RIPOR2: variants seen among roughly 807,000 people sequenced by gnomAD.
RIPOR2 encodes rho family-interacting cell polarization regulator 2.
RIPOR2 carries 39 observed loss-of-function variants against 114.5 expected under a neutral mutation model. The observed-to-expected ratio is 0.34, with a 90% CI of 0.26 to 0.44. The LOEUF is 0.44. Ranked by LOEUF, RIPOR2 falls within the 20% of genes least tolerant of loss-of-function variation. The probability of loss-of-function intolerance (pLI) is 1.00; values close to 1 mark genes in which losing one functional copy is unlikely to be tolerated. For synonymous variants in RIPOR2, 445 were observed against 484.4 expected, an observed-to-expected ratio of 0.92 and a Z score of 1.07; for missense variants, 1,007 against 1,255.1, an observed-to-expected ratio of 0.80 and a Z score of 2.99.
At chr6:24,860,442 G>A (rs898322670) in intron 8 of RIPOR2, among the ~76,000 whole-genome samples, 7 of 152,254 alleles carry the variant, frequency 4.6e-5, no homozygotes, top group South Asian at 2.1e-4. Context: ...AAATGTACAA[G>A]GCATTTTTGA....
intron 1 of RIPOR2, among the ~76,000 whole-genome samples, chr6:24,908,772 C>A (rs1287450113): frequency 6.6e-6 from 1 of 152,204 alleles, no homozygotes; most frequent in Non-Finnish European, 1.5e-5. Flanking sequence ...TTCTCCAGGT[C>A]AACCTTGGGT....
At chr6:25,002,398 G>A (rs183103201) in intron 1 of RIPOR2, among the ~76,000 whole-genome samples, 1 of 152,082 alleles carries the variant, frequency 6.6e-6, no homozygotes, top group Non-Finnish European at 1.5e-5. Flanking sequence ...TTATCCAAAT[G>A]GTATGTATTT....
Position 24,848,178 on chromosome 6 carries a change from T to A in RIPOR2, c.1035-24A>T, listed in dbSNP as rs145214231. The A allele has an allele frequency of 2.9e-4, 464 of 1,611,048 alleles. No individual in the cohort carries two copies. The East Asian group carries it at 9.4e-3, about 32-fold the overall frequency. On this transcript the variant is annotated intron_variant, in intron 11 of 21. Coordinates refer to ENST00000643898, the MANE Select transcript of RIPOR2 (RefSeq NM_001286445.3). ...GACTGCAAAACAACAGGTCCCCAGG[T>A]ATGCACATTTGGCAAAATCACCTAT...
At chr6:24,928,671 G>A (rs1342882151) in intron 1 of RIPOR2, among the ~76,000 whole-genome samples, 4 of 152,184 alleles carry the variant, frequency 2.6e-5, no homozygotes, top group Non-Finnish European at 5.9e-5. Context: ...AGAAAAATCT[G>A]TGGAGAAAAG....
intron 1 of RIPOR2, among the ~76,000 whole-genome samples, chr6:24,965,703 T>G (rs1198465893): frequency 1.3e-5 from 2 of 152,228 alleles, no homozygotes; most frequent in African/African-American, 4.8e-5. Flanking sequence ...TTAAAAAACA[T>G]TTTATCGGAA....
intron 21 of RIPOR2, among the ~76,000 whole-genome samples, chr6:24,807,386 T>G (rs918503034): frequency 2.0e-5 from 3 of 152,116 alleles, no homozygotes; most frequent in African/African-American, 7.2e-5. Flanking sequence ...GGCAGGAGAA[T>G]TGCTTGAACT....
At chr6:24,806,494 A>T (rs1188419616) in intron 21 of RIPOR2, 21 bp from the exon 22 acceptor site, 1 of 1,474,734 alleles carries the variant, frequency 6.8e-7, no homozygotes, top group East Asian at 2.5e-5. Context: ...AACATTAAAC[A>T]TGAATACCAA....
chr6:24,961,463 C>T (rs2114221571), intron 1 of RIPOR2, among the ~76,000 whole-genome samples: 1 of 152,254 alleles, frequency 6.6e-6, no homozygotes, highest in East Asian at 1.9e-4. Context: ...GCTCTGAAGT[C>T]AAACATGTAG....
At chr6:24,880,434 A>G (rs1766233694) in intron 1 of RIPOR2, among the ~76,000 whole-genome samples, 1 of 152,228 alleles carries the variant, frequency 6.6e-6, no homozygotes, top group South Asian at 2.1e-4. Context: ...CTGAAACTAC[A>G]CACAGTCTAT....
chr6:25,039,750 A>G (rs303900), intron 1 of RIPOR2, among the ~76,000 whole-genome samples: 3 of 151,976 alleles, frequency 2.0e-5, no homozygotes, highest in Admixed American at 1.3e-4. Flanking sequence ...ATCACAACTA[A>G]TTTCCTACAG....
intron 1 of RIPOR2, among the ~76,000 whole-genome samples, chr6:24,967,414 G>T (rs1773574937): frequency 6.6e-6 from 1 of 152,164 alleles, no homozygotes; most frequent in Non-Finnish European, 1.5e-5. Context: ...ATCACAGTAT[G>T]GTGGAAGGAA....
intron 1 of RIPOR2, among the ~76,000 whole-genome samples, chr6:24,922,865 A>C (rs1389890731): frequency 9.5e-6 from 1 of 105,032 alleles, no homozygotes; most frequent in Middle Eastern, 4.6e-3. Context: ...TCTCAAAAAA[A>C]AAAAAAAAAA....
At chr6:24,934,718 A>T (rs1277045305) in intron 1 of RIPOR2, among the ~76,000 whole-genome samples, 2 of 152,192 alleles carry the variant, frequency 1.3e-5, no homozygotes, top group Non-Finnish European at 2.9e-5. Context: ...AATTTCCTTT[A>T]TTTAGGTGGC....
intron 8 of RIPOR2, among the ~76,000 whole-genome samples, chr6:24,856,638 C>G: frequency 6.6e-6 from 1 of 152,182 alleles, no homozygotes; most frequent in African/African-American, 2.4e-5. Context: ...ATCTGTAATC[C>G]CAGCTACTCC....
At chr6:24,996,307 TA>T (rs1218289001) in intron 1 of RIPOR2, among the ~76,000 whole-genome samples, 18 of 152,182 alleles carry the variant, frequency 1.2e-4, no homozygotes, top group Non-Finnish European at 1.8e-4. Context: ...TCAAAAAAAT[TA>T]GAAAAAGACA....
chr6:24,936,423 T>C (rs1371141554), upstream of RIPOR2, among the ~76,000 whole-genome samples: 4 of 152,210 alleles, frequency 2.6e-5, no homozygotes, highest in African/African-American at 9.6e-5. Flanking sequence ...AATAGTTGCA[T>C]TTTTCTTTTC....
intron 1 of RIPOR2, among the ~76,000 whole-genome samples, chr6:25,001,753 G>A (rs1377507763): frequency 1.4e-5 from 2 of 139,794 alleles, no homozygotes; most frequent in Non-Finnish European, 3.1e-5. Context: ...AGGCTGGAGT[G>A]CAGTGGCGCG....
At chr6:24,845,245 C>T (rs73398412) in intron 12 of RIPOR2, among the ~76,000 whole-genome samples, 4,234 of 152,168 alleles carry the variant, frequency 0.028, 115 homozygotes, top group African/African-American at 0.073. Context: ...TGCTCCTCTT[C>T]CTCCCCTCCA....
chr6:24,824,290 G>T (rs1356150059), intron 19 of RIPOR2, among the ~76,000 whole-genome samples: 4 of 152,214 alleles, frequency 2.6e-5, no homozygotes, highest in African/African-American at 7.2e-5. Context: ...GTGTAGCAAA[G>T]AACTACATAG....
Sources: gnomAD v4.1 joint callset for allele counts (sites outside exome capture counted in the v4.1 genomes callset) on GRCh38, gnomAD v4.1.1 for gene constraint, MANE v1.5 for transcripts, NCBI Gene and HGNC (gene_info 2026-07-23, HGNC 2026-07-21) for gene names.